FXR1: variants seen among roughly 807,000 people sequenced by gnomAD.
FXR1 encodes the protein RNA-binding protein FXR1.
Under a neutral mutation model 84.0 loss-of-function variants are expected in FXR1, and 15 were observed. The ratio of observed to expected loss-of-function variants is 0.18; its 90% CI spans 0.12 to 0.27. The LOEUF is 0.27. Among genes scored for constraint, FXR1 ranks in the 10% least tolerant of loss-of-function variants. The probability of loss-of-function intolerance (pLI) is 1.00; values close to 1 mark genes in which losing one functional copy is unlikely to be tolerated. For missense variants in FXR1, 480 were observed against 774.4 expected, an observed-to-expected ratio of 0.62 and a Z score of 4.51; for synonymous variants, 245 against 250.7, an observed-to-expected ratio of 0.98 and a Z score of 0.21.
At chr3:180,960,036 AT>A (rs757185277) in intron 10 of FXR1, among the ~76,000 whole-genome samples, 2 of 152,162 alleles carry the variant, frequency 1.3e-5, no homozygotes, top group Non-Finnish European at 2.9e-5. Flanking sequence ...ATGGAAACTG[AT>A]TGGGGGAGTT....
chr3:180,926,649 G>C (rs1224050037), intron 1 of FXR1, among the ~76,000 whole-genome samples: 1 of 151,604 alleles, frequency 6.6e-6, no homozygotes, highest in Non-Finnish European at 1.5e-5. Context: ...TTCTGGACTT[G>C]CATTTTAAAA....
At chr3:180,931,713 A>G in intron 1 of FXR1, among the ~76,000 whole-genome samples, 1 of 146,812 alleles carries the variant, frequency 6.8e-6, no homozygotes, top group East Asian at 2.0e-4. Flanking sequence ...AACACAGAGT[A>G]TGCCCTTAAA....
chr3:180,976,888 G>A lies in FXR1; in HGVS notation c.*596G>A, dbSNP rs1479634172. On this transcript the variant is annotated 3_prime_UTR_variant, in exon 17 of 17. Transcript: ENST00000357559. ...CTTGGCAGTGACTGTTCTACCTTGA[G>A]GCTTTGTTTGGTTTATTTATTAAAG... 1 of 152,438 alleles carries A rather than the reference G, an allele frequency of 6.6e-6. No homozygotes were observed. The highest frequency in any genetic ancestry group is 2.4e-5 in the African/African-American group (1 of 41,390). The allele number at this position is 152,438 out of a possible 1,614,324, so 9.4% of individuals were successfully genotyped here.
At position 180,968,121 on chromosome 3, in the gene FXR1, A is replaced by G; in HGVS notation, c.1269A>G (p.Ser423=). 16 of 1,613,622 alleles carry G rather than the reference A, an allele frequency of 9.9e-6. No individual in the cohort carries two copies. Among genetic ancestry groups the G allele is most frequent in the Non-Finnish European group, 1.4e-5 (16 of 1,179,548 alleles). ...GTAAAGACGAGCTGAGTGATTGGTC[A>G]TTGGCAGGAGAAGATGATCGAGACA... ...SERKDELSDW[S]LAGEDDRDSR... Residue 423 remains serine, a synonymous_variant, in exon 14 of 17, where the codon TCA becomes TCG. Transcript: ENST00000357559.
intron 15 of FXR1, among the ~76,000 whole-genome samples, chr3:180,973,752 A>G (rs912133458): frequency 1.3e-5 from 2 of 152,242 alleles, no homozygotes; most frequent in East Asian, 3.8e-4. Context: ...TAAATGATGT[A>G]TGTAAGTTCT....
intron 1 of FXR1, among the ~76,000 whole-genome samples, chr3:180,932,494 A>G (rs1045820746): frequency 5.9e-4 from 90 of 152,322 alleles, no homozygotes; most frequent in African/African-American, 2.0e-3. Context: ...AGCAACAGTA[A>G]TTCTACACCC....
chr3:180,942,377 C>CAAAAAAAAAAAAAAAA (rs765066164), intron 3 of FXR1, among the ~76,000 whole-genome samples: 2 of 31,128 alleles, frequency 6.4e-5, no homozygotes, highest in African/African-American at 2.3e-4. Context: ...GACTCCGTCT[C>CAAAAAAAAAAAAAAAA]AAAAAAAAAA....
At chr3:180,954,928 GT>G (rs1722596763) in intron 9 of FXR1, among the ~76,000 whole-genome samples, 1 of 126,236 alleles carries the variant, frequency 7.9e-6, no homozygotes, top group Non-Finnish European at 1.6e-5. Flanking sequence ...AGGAAAAGTA[GT>G]TTAAAACACA....
chr3:180,925,721 AG>A (rs1381542794), intron 1 of FXR1, among the ~76,000 whole-genome samples: 10 of 152,352 alleles, frequency 6.6e-5, no homozygotes, highest in African/African-American at 2.4e-4. Flanking sequence ...TGGGCTGGAA[AG>A]GTAGACTGGG....
At chr3:180,924,894 A>G (rs534639860) in intron 1 of FXR1, among the ~76,000 whole-genome samples, 1 of 152,302 alleles carries the variant, frequency 6.6e-6, no homozygotes, top group East Asian at 1.9e-4. Context: ...GGTTGTCTTT[A>G]TTTTTTAATA....
intron 1 of FXR1, among the ~76,000 whole-genome samples, chr3:180,931,375 C>T (rs1253821414): frequency 6.6e-6 from 1 of 152,032 alleles, no homozygotes; most frequent in Non-Finnish European, 1.5e-5. Flanking sequence ...GCTGCTACCA[C>T]ATCTGGCTAA....
At chr3:180,953,726 A>C in intron 8 of FXR1, 36 bp from the exon 9 acceptor site, 1 of 1,025,654 alleles carries the variant, frequency 9.7e-7, no homozygotes. Context: ...CGAGATTGAA[A>C]CAGGATTTCA....
At position 180,978,640 on chromosome 3, in the gene FXR1, C is replaced by T. The variant is rs2108502017; in HGVS notation, c.*2348C>T. ...TAGCTTATGTCTTTGGTTCTAGCTA[C>T]TCAGGAGCCTGAGGTGGGAGCATCA... is the stretch of plus-strand genomic sequence containing the variant. On this transcript the variant is annotated 3_prime_UTR_variant, in exon 17 of 17. Coordinates refer to ENST00000357559, the MANE Select transcript of FXR1 (RefSeq NM_005087.4). The T allele has an allele frequency of 6.6e-6, 1 of 152,172 alleles. No individual in the cohort carries two copies. Among genetic ancestry groups the T allele is most frequent in the Non-Finnish European group, 1.5e-5 (1 of 67,964 alleles). The allele number at this position is 152,172 out of a possible 1,614,324, so 9.4% of individuals were successfully genotyped here.
rs552238965 is a variant in FXR1, at chr3:180,931,050, C to T, written c.52-2284C>T. Among the ~76,000 whole-genome samples the T allele has an allele frequency of 9.5e-5, 8 of 83,834 alleles. No homozygotes were observed. In the East Asian group the frequency reaches 2.1e-3, roughly 22 times the overall value. 55.0% of individuals were successfully genotyped at this position (83,834 alleles called of 152,430 possible). On this transcript the variant is annotated intron_variant, in intron 1 of 16. Coordinates refer to ENST00000357559, the MANE Select transcript of FXR1 (RefSeq NM_005087.4). Reference sequence around the variant, plus strand: ...TCAAAAAAAAAAAAAAAAAAAAAGACGTGAATGTGCCCTACTAGAAATAGA... The same window carrying T: ...TCAAAAAAAAAAAAAAAAAAAAAGATGTGAATGTGCCCTACTAGAAATAGA...
chr3:180,970,086 T>C, intron 14 of FXR1, 72 bp from the exon 15 acceptor site: 1 of 806,682 alleles, frequency 1.2e-6, no homozygotes, highest in Non-Finnish European at 2.2e-6. Context: ...ATTGATATAG[T>C]TCAATATAGA....
chr3:180,951,644 T>C (rs754313359), intron 8 of FXR1, among the ~76,000 whole-genome samples, 176 bp downstream of exon 8: 38 of 152,250 alleles, frequency 2.5e-4, no homozygotes, highest in Admixed American at 8.5e-4. Context: ...AACTTTGTAT[T>C]GAGGGGAGTG....
chr3:180,959,529 G>A (rs1238053749), intron 10 of FXR1, among the ~76,000 whole-genome samples: 1 of 152,032 alleles, frequency 6.6e-6, no homozygotes, highest in African/African-American at 2.4e-5. Context: ...TGTAAAACTG[G>A]TAATACTATT....
chr3:180,946,850 A>G (rs1257081979), intron 3 of FXR1, among the ~76,000 whole-genome samples: 3 of 152,132 alleles, frequency 2.0e-5, no homozygotes, highest in Admixed American at 2.0e-4. Flanking sequence ...AGGACAGTCA[A>G]TCTTGGTTTT....
chr3:180,951,790 A>C (rs1576963696), intron 8 of FXR1, among the ~76,000 whole-genome samples: 1 of 152,240 alleles, frequency 6.6e-6, no homozygotes, highest in East Asian at 1.9e-4. Flanking sequence ...TGTGCCAGGC[A>C]CTGGCAGGAG....
Sources: gnomAD v4.1 joint callset for allele counts (sites outside exome capture counted in the v4.1 genomes callset) on GRCh38, gnomAD v4.1.1 for gene constraint, MANE v1.5 for transcripts, NCBI Gene and HGNC (gene_info 2026-07-23, HGNC 2026-07-21) for gene names.